The following IGSF5 variants were observed in gnomAD, a reference collection of about 807,000 sequenced individuals.
The protein encoded by IGSF5 is immunoglobulin superfamily 5 like.
A neutral mutation model predicts 39.4 loss-of-function variants in IGSF5; 41 were observed. The ratio of observed to expected loss-of-function variants is 1.04; its 90% CI spans 0.81 to 1.35. IGSF5 has a LOEUF of 1.35. IGSF5 is among the 40% of genes most tolerant of loss of function. IGSF5 has a pLI of 0.00. For synonymous variants in IGSF5, 183 were observed against 175.3 expected (o/e 1.04, Z -0.34); for missense variants, 487 against 494.6 (o/e 0.98, Z 0.15).
At chr21:39,750,117 T>A (rs2079997740) in intron 2 of IGSF5, among the ~76,000 whole-genome samples, 1 of 152,230 alleles carries the variant, frequency 6.6e-6, no homozygotes, top group East Asian at 1.9e-4. Context: ...GTCTGCCTGA[T>A]ACAGTTCCCA....
At chr21:39,792,450 G>A (rs919481321) in intron 7 of IGSF5, among the ~76,000 whole-genome samples, 1 of 152,120 alleles carries the variant, frequency 6.6e-6, no homozygotes, top group Non-Finnish European at 1.5e-5. Context: ...AACGGGTGCA[G>A]CACACCAACA....
chr21:39,767,628 C>T (rs2080093331), intron 3 of IGSF5, among the ~76,000 whole-genome samples: 1 of 152,110 alleles, frequency 6.6e-6, no homozygotes, highest in Non-Finnish European at 1.5e-5. Flanking sequence ...TAAAAGCATG[C>T]CATTGTGTTG....
At chr21:39,768,059 C>T (rs939243210) in intron 3 of IGSF5, among the ~76,000 whole-genome samples, 3 of 152,202 alleles carry the variant, frequency 2.0e-5, no homozygotes, top group African/African-American at 7.2e-5. Flanking sequence ...TGTCTGAATC[C>T]CGCTGACTTT....
At chr21:39,796,792 G>A (rs1387679389) in intron 8 of IGSF5, among the ~76,000 whole-genome samples, 2 of 152,224 alleles carry the variant, frequency 1.3e-5, no homozygotes, top group Non-Finnish European at 2.9e-5. Flanking sequence ...CAAGCTGTGA[G>A]CCAGCCTGAA....
chr21:39,758,322 G>A (rs975223639), intron 2 of IGSF5, among the ~76,000 whole-genome samples: 6 of 152,062 alleles, frequency 3.9e-5, no homozygotes, highest in African/African-American at 9.7e-5. Flanking sequence ...CTCCCAGAAC[G>A]GTCCTTCAGG....
At chr21:39,777,561 G>A (rs1400654253) in intron 4 of IGSF5, among the ~76,000 whole-genome samples, 1 of 152,042 alleles carries the variant, frequency 6.6e-6, no homozygotes, top group African/African-American at 2.4e-5. Flanking sequence ...GGTGTAATCT[G>A]TTCCTTCCAT....
chr21:39,753,618 G>T (rs2080016059), intron 2 of IGSF5, among the ~76,000 whole-genome samples: 1 of 152,090 alleles, frequency 6.6e-6, no homozygotes, highest in African/African-American at 2.4e-5. Flanking sequence ...GTCTAATATT[G>T]TAGGTCTAGT....
At position 39,763,506 on chromosome 21, in the gene IGSF5, C is replaced by T. The variant is rs764988790; in HGVS notation, c.101-2029C>T. 6.5e-4 allele frequency among the ~76,000 whole-genome samples: 99 copies of T among 152,186 alleles called. 1 individual carries two copies. The highest frequency in any genetic ancestry group is 5.0e-4 in the Non-Finnish European group (34 of 68,038). On this transcript the variant is annotated intron_variant, in intron 2 of 8. Coordinates refer to ENST00000380588, the MANE Select transcript of IGSF5 (RefSeq NM_001080444.2). Reference sequence around the variant, plus strand: ...TTGGCCTGCACAGATTGTATGATTCCGTAGTGACACGTGTGGCCTCCGGGG... The same window carrying T: ...TTGGCCTGCACAGATTGTATGATTCTGTAGTGACACGTGTGGCCTCCGGGG...
At chr21:39,785,214 AG>A (rs552544760) in intron 5 of IGSF5, among the ~76,000 whole-genome samples, 3 of 142,502 alleles carry the variant, frequency 2.1e-5, no homozygotes, top group African/African-American at 7.4e-5. Flanking sequence ...ACAAAACCCT[AG>A]AAGAAAACCT....
upstream of IGSF5, among the ~76,000 whole-genome samples, chr21:39,741,448 C>A (rs1032896615): frequency 2.0e-5 from 3 of 152,176 alleles, no homozygotes; most frequent in Admixed American, 6.5e-5. Context: ...AAGCATTTAA[C>A]CTGCTGTGAG....
chr21:39,772,034 C>A (rs923257879), intron 4 of IGSF5, among the ~76,000 whole-genome samples: 1 of 152,184 alleles, frequency 6.6e-6, no homozygotes, highest in Non-Finnish European at 1.5e-5. Context: ...AACACCTTTA[C>A]CTGAGATCTT....
the IGSF5 span, among the ~76,000 whole-genome samples, chr21:39,721,055 T>C: frequency 7.2e-5 from 11 of 152,170 alleles, no homozygotes; most frequent in African/African-American, 2.4e-4. Context: ...ATATCTTTCA[T>C]TGAAAGAAAA....
the IGSF5 span, among the ~76,000 whole-genome samples, chr21:39,736,973 A>T: frequency 1.3e-5 from 2 of 152,274 alleles, no homozygotes; most frequent in Non-Finnish European, 2.9e-5. Context: ...TCAGATTTCT[A>T]TTCCTATGGC....
chr21:39,758,521 C>A (rs2837170), intron 2 of IGSF5, among the ~76,000 whole-genome samples: 124,079 of 151,990 alleles, frequency 0.82, 50,824 homozygotes, highest in Admixed American at 0.86. Flanking sequence ...AGCCTCCTAA[C>A]CCTTGCCATT....
chr21:39,714,967 C>T, the IGSF5 span, among the ~76,000 whole-genome samples: 1 of 152,224 alleles, frequency 6.6e-6, no homozygotes, highest in Non-Finnish European at 1.5e-5. Context: ...GAAGCACCCA[C>T]TGGGTGAGTC....
chr21:39,750,030 C>T (rs2079997147), intron 2 of IGSF5, among the ~76,000 whole-genome samples: 2 of 152,194 alleles, frequency 1.3e-5, no homozygotes, highest in Non-Finnish European at 2.9e-5. Context: ...GAATTTTTCT[C>T]ATGGGCAAAT....
chr21:39,801,020 T>A (rs546603233), intron 8 of IGSF5, among the ~76,000 whole-genome samples: 4 of 152,402 alleles, frequency 2.6e-5, no homozygotes, highest in African/African-American at 7.2e-5. Context: ...CGTGGTAATT[T>A]GCCTTAGTCA....
At chr21:39,754,704 C>T (rs1028839642) in intron 2 of IGSF5, among the ~76,000 whole-genome samples, 1 of 152,166 alleles carries the variant, frequency 6.6e-6, no homozygotes, top group Admixed American at 6.5e-5. Flanking sequence ...TAATTCAAGT[C>T]TGCTATAATG....
chr21:39,795,042 GACA>G (rs1211064774), intron 8 of IGSF5, among the ~76,000 whole-genome samples: 2 of 152,240 alleles, frequency 1.3e-5, no homozygotes, highest in Non-Finnish European at 2.9e-5. Flanking sequence ...CAGGTAGCCA[GACA>G]ACAAGACATA....
Sources: allele counts gnomAD v4.1 joint callset (sites outside exome capture counted in the v4.1 genomes callset), GRCh38; gene constraint gnomAD v4.1.1; transcripts MANE v1.5; gene names NCBI Gene and HGNC (gene_info 2026-07-23, HGNC 2026-07-21).